Variants in AUTS2 observed in about 807,000 individuals in gnomAD.
The protein encoded by AUTS2 is autism susceptibility gene 2 protein.
Under a neutral mutation model 112.4 loss-of-function variants are expected in AUTS2, and 17 were observed. The observed-to-expected ratio is 0.15, with a 90% CI of 0.10 to 0.23. AUTS2 has a LOEUF of 0.23. AUTS2 is among the 10% of genes least tolerant of loss of function. The pLI is 1.00. For missense variants in AUTS2, 1,510 were observed against 1,701.6 expected, an observed-to-expected ratio of 0.89 and a Z score of 1.98; for synonymous variants, 751 against 702.7, an observed-to-expected ratio of 1.07 and a Z score of -1.09.
intron 4 of AUTS2, among the ~76,000 whole-genome samples, chr7:70,140,460 T>C (rs1281179640): frequency 1.6e-4 from 24 of 152,256 alleles, no homozygotes; most frequent in Admixed American, 1.6e-3. Flanking sequence ...TAAGATTTCT[T>C]AGGGGTTTTA....
chr7:70,482,869 TAC>T (rs35986288), intron 5 of AUTS2, among the ~76,000 whole-genome samples: 7 of 151,628 alleles, frequency 4.6e-5, no homozygotes, highest in South Asian at 2.1e-4. Context: ...TATATATGTG[TAC>T]ACACACACAC....
chr7:69,952,855 G>A (rs1446193802), intron 2 of AUTS2, among the ~76,000 whole-genome samples: 2 of 152,114 alleles, frequency 1.3e-5, no homozygotes, highest in African/African-American at 4.8e-5. Context: ...ACACAAAAAT[G>A]AAAGAAATAT....
chr7:70,660,838 T>C (rs1310441433), intron 5 of AUTS2, among the ~76,000 whole-genome samples: 1 of 152,220 alleles, frequency 6.6e-6, no homozygotes, highest in Non-Finnish European at 1.5e-5. Flanking sequence ...GCCTGCATTG[T>C]TGTCCTTCCA....
At chr7:70,117,106 T>G (rs954445201) in intron 2 of AUTS2, among the ~76,000 whole-genome samples, 9 of 107,188 alleles carry the variant, frequency 8.4e-5, no homozygotes, top group East Asian at 2.5e-4. Flanking sequence ...TGACTTTTGT[T>G]TTTTTTTTTT....
intron 4 of AUTS2, among the ~76,000 whole-genome samples, chr7:70,185,048 A>T (rs1051513950): frequency 2.0e-5 from 3 of 152,058 alleles, no homozygotes; most frequent in African/African-American, 7.2e-5. Flanking sequence ...TTTGATTTTA[A>T]ACTTCTTGAA....
intron 1 of AUTS2, among the ~76,000 whole-genome samples, chr7:69,785,666 G>T (rs1435284965): frequency 6.6e-6 from 1 of 152,178 alleles, no homozygotes; most frequent in Non-Finnish European, 1.5e-5. Context: ...TTTCTGGATT[G>T]CTCTGATAAA....
chr7:69,945,544 A>G (rs150386372), intron 2 of AUTS2, among the ~76,000 whole-genome samples: 3 of 152,320 alleles, frequency 2.0e-5, no homozygotes, highest in Non-Finnish European at 4.4e-5. Context: ...AATAATTAGC[A>G]TAATCAGGTT....
At chr7:70,497,090 ACAGT>A (rs374097368) in intron 5 of AUTS2, among the ~76,000 whole-genome samples, 3 of 116,156 alleles carry the variant, frequency 2.6e-5, no homozygotes, top group Admixed American at 7.9e-5. Flanking sequence ...CACCACGTAC[ACAGT>A]CAGACACACA....
In AUTS2 at chr7:70,791,520, AACTT is replaced by A. The variant is rs150126670; in HGVS notation, c.*530_*533del. The A allele has an allele frequency of 0.12, 17,910 of 152,774 alleles. 1,208 individuals are homozygous for A. The highest frequency in any genetic ancestry group is 0.16 in the Non-Finnish European group (10,763 of 68,074). The allele number at this position is 152,774 out of a possible 1,614,324, so 9.5% of individuals were successfully genotyped here. A position where few individuals can be genotyped will look rare whatever the true frequency, so the allele number is the denominator to read the frequency against. Reference sequence around the variant, plus strand: ...TACTTCTTAAAATGTGCTATTTGCAAACTTACTTAATATCAGTGAACACAGTCGG... The same window carrying A: ...TACTTCTTAAAATGTGCTATTTGCAAACTTAATATCAGTGAACACAGTCGG... On this transcript the variant is annotated 3_prime_UTR_variant, in exon 19 of 19. Coordinates refer to ENST00000342771, the MANE Select transcript of AUTS2 (RefSeq NM_015570.4).
At position 70,518,545 on chromosome 7, in the gene AUTS2, G is replaced by A. The variant is rs186737791; in HGVS notation, c.690+82764G>A. On this transcript the variant is annotated intron_variant, in intron 5 of 18. Coordinates refer to ENST00000342771, the MANE Select transcript of AUTS2 (RefSeq NM_015570.4). ...AAAAAATACAAAAAATTAGCCAGGC[G>A]TGGTGGCGGGTGCCTGTAGTCCCAG... is the stretch of plus-strand genomic sequence containing the variant. Among the ~76,000 whole-genome samples the A allele has an allele frequency of 1.7e-3, 254 of 152,180 alleles. 1 individual carries two copies. The highest frequency in any genetic ancestry group is 2.1e-3 in the Non-Finnish European group (141 of 68,008).
At chr7:70,111,976 T>C (rs1022392303) in intron 2 of AUTS2, among the ~76,000 whole-genome samples, 5 of 152,010 alleles carry the variant, frequency 3.3e-5, no homozygotes, top group Non-Finnish European at 5.9e-5. Flanking sequence ...TCTAATGATG[T>C]TCTTCTCATT....
At chr7:70,597,771 A>C (rs1803278026) in intron 5 of AUTS2, among the ~76,000 whole-genome samples, 1 of 152,226 alleles carries the variant, frequency 6.6e-6, no homozygotes, top group Non-Finnish European at 1.5e-5. Flanking sequence ...AAGAAGCTCC[A>C]GCAGGTTTGG....
At chr7:70,573,126 A>T (rs1355963220) in intron 5 of AUTS2, among the ~76,000 whole-genome samples, 1 of 152,246 alleles carries the variant, frequency 6.6e-6, no homozygotes, top group Non-Finnish European at 1.5e-5. Flanking sequence ...ACTCCATCAA[A>T]CTAGATAGAG....
chr7:70,154,262 G>A (rs190237958), intron 4 of AUTS2, among the ~76,000 whole-genome samples: 17 of 152,288 alleles, frequency 1.1e-4, no homozygotes, highest in Admixed American at 1.1e-3. Flanking sequence ...AGCAATTTCT[G>A]TAGGTTTTGG....
chr7:70,732,840 T>C (rs1787510118), intron 6 of AUTS2, among the ~76,000 whole-genome samples: 1 of 152,238 alleles, frequency 6.6e-6, no homozygotes, highest in South Asian at 2.1e-4. Context: ...TGCAGTTTTT[T>C]AAAGCATTTT....
intron 2 of AUTS2, among the ~76,000 whole-genome samples, chr7:69,927,575 C>G (rs1796070978): frequency 6.6e-6 from 1 of 152,254 alleles, no homozygotes; most frequent in African/African-American, 2.4e-5. Flanking sequence ...ATTCCACCCA[C>G]TCTGCCCGAC....
intron 10 of AUTS2, among the ~76,000 whole-genome samples, chr7:70,770,499 G>A (rs1021885834): frequency 6.6e-6 from 1 of 152,212 alleles, no homozygotes; most frequent in African/African-American, 2.4e-5. Flanking sequence ...TTGTATGGTG[G>A]CTTGATAAAT....
chr7:69,905,186 A>G (rs1346969316), intron 2 of AUTS2, among the ~76,000 whole-genome samples: 1 of 152,206 alleles, frequency 6.6e-6, no homozygotes, highest in Non-Finnish European at 1.5e-5. Context: ...ACATCACTTA[A>G]CTTCAGTGAG....
chr7:70,181,706 C>T (rs899428446), intron 4 of AUTS2, among the ~76,000 whole-genome samples: 25 of 151,616 alleles, frequency 1.6e-4, no homozygotes, highest in African/African-American at 5.3e-4. Context: ...CCAAGCTGGT[C>T]TGGAACTCCT....
Sources: allele counts gnomAD v4.1 joint callset (sites outside exome capture counted in the v4.1 genomes callset), GRCh38; gene constraint gnomAD v4.1.1; transcripts MANE v1.5; gene names NCBI Gene and HGNC (gene_info 2026-07-23, HGNC 2026-07-21).